Variants in DKK3 observed in about 807,000 individuals in gnomAD.
DKK3 encodes the protein dickkopf-related protein 3.
Under a neutral mutation model 33.2 loss-of-function variants are expected in DKK3, and 22 were observed. The ratio of observed to expected loss-of-function variants is 0.66; its 90% CI spans 0.47 to 0.95. DKK3 has a LOEUF of 0.95. Ranked by LOEUF, DKK3 falls within the 40% of genes least tolerant of loss-of-function variation. DKK3 has a pLI of 0.00. For missense variants in DKK3, 398 were observed against 458.4 expected, an observed-to-expected ratio of 0.87 and a Z score of 1.20; for synonymous variants, 194 against 188.8, an observed-to-expected ratio of 1.03 and a Z score of -0.23.
At chr11:12,005,702 A>G (rs1189663852) in intron 1 of DKK3, among the ~76,000 whole-genome samples, 1 of 152,238 alleles carries the variant, frequency 6.6e-6, no homozygotes, top group Non-Finnish European at 1.5e-5. Context: ...TGATGCAACT[A>G]TGTAAACAAA....
At chr11:12,000,123 A>G (rs981921908) in intron 2 of DKK3, among the ~76,000 whole-genome samples, 1 of 152,224 alleles carries the variant, frequency 6.6e-6, no homozygotes, top group Non-Finnish European at 1.5e-5. Flanking sequence ...AGTTTTCCAA[A>G]TATGTTTCAC....
intron 3 of DKK3, among the ~76,000 whole-genome samples, chr11:11,973,236 T>A (rs1006565677): frequency 6.6e-5 from 10 of 152,244 alleles, no homozygotes; most frequent in African/African-American, 2.2e-4. Context: ...AAACTGAGAC[T>A]TAAGGATAGA....
intron 5 of DKK3, 122 bp downstream of exon 5, chr11:11,966,832 T>A: frequency 2.9e-6 from 4 of 1,379,372 alleles, no homozygotes; most frequent in Non-Finnish European, 4.0e-6. Flanking sequence ...GATGAGCATT[T>A]GGGAGCCTAT....
In DKK3 at chr11:11,968,489, T is replaced by G; in HGVS notation, c.436-2A>C. ...ACAGTCCTCGTCGATGATGCACTCC[T>G]GGGGAAGGGCACAGGGAGCAGATGT... On this transcript the variant is annotated splice_acceptor_variant, in intron 3 of 6. Transcript: ENST00000683431. LOFTEE classifies it high-confidence loss of function. The G allele has an allele frequency of 1.9e-6, 3 of 1,612,590 alleles. No individual in the cohort carries two copies. The highest frequency in any genetic ancestry group is 2.5e-6 in the Non-Finnish European group (3 of 1,179,230).
At chr11:12,003,559 G>A (rs1848474272) in intron 1 of DKK3, among the ~76,000 whole-genome samples, 2 of 152,168 alleles carry the variant, frequency 1.3e-5, no homozygotes, top group African/African-American at 4.8e-5. Context: ...TGATGAGTGG[G>A]CAGTTGACAA....
At chr11:12,006,966 T>C (rs147167237) in intron 1 of DKK3, among the ~76,000 whole-genome samples, 226 of 152,292 alleles carry the variant, frequency 1.5e-3, no homozygotes, top group Non-Finnish European at 2.9e-3. Flanking sequence ...TTAAGAGACA[T>C]TGGGGCCTAT....
chr11:11,998,801 GA>G lies in DKK3; in HGVS notation c.352-23del, dbSNP rs761208368. 5.7e-6 allele frequency: 9 copies of G among 1,591,904 alleles called. No individual in the cohort carries two copies. The South Asian group carries it at 9.9e-5, about 18-fold the overall frequency. On this transcript the variant is annotated intron_variant, in intron 2 of 6. Coordinates refer to ENST00000683431, the MANE Select transcript of DKK3 (RefSeq NM_001018057.2). ...TTATCTACAGTAAAACAGGTACAATGAAAGTAAAATAGAAGGAATTCTGGAC... is the reference window on the plus strand; with the variant it reads ...TTATCTACAGTAAAACAGGTACAATGAAGTAAAATAGAAGGAATTCTGGAC...
At chr11:12,008,757 C>T (rs779148346), upstream of DKK3, 10 of 1,186,658 alleles carry the variant, frequency 8.4e-6, no homozygotes, top group Non-Finnish European at 1.0e-5. This position sits in a 1 kb window ranked among gnomAD's most constrained non-coding sequence, Gnocchi z 4.6. Flanking sequence ...CCCCTGAAAA[C>T]GCAGCTCCCC....
At chr11:12,000,975 C>T (rs1848414345) in intron 2 of DKK3, among the ~76,000 whole-genome samples, 1 of 152,160 alleles carries the variant, frequency 6.6e-6, no homozygotes, top group Non-Finnish European at 1.5e-5. Context: ...TTGACCTGCA[C>T]AGTACTGTAA....
chr11:11,965,801 G>A lies in DKK3; in HGVS notation c.830+8C>T. ...GGCTCCCTGAGAGTGAGGGTTAGGG[G>A]GCCTCACCTGTGGGGCTGGCAGAGG... On this transcript the variant is annotated splice_region_variant and intron_variant, in intron 6 of 6. Transcript: ENST00000683431. 6.2e-7 allele frequency: 1 copy of A among 1,613,548 alleles called. No individual in the cohort carries two copies. The highest frequency in any genetic ancestry group is 8.5e-7 in the Non-Finnish European group (1 of 1,179,880).
chr11:11,968,624 A>C, intron 3 of DKK3, 137 bp from the exon 4 acceptor site: 1 of 712,792 alleles, frequency 1.4e-6, no homozygotes, highest in South Asian at 2.1e-5. Flanking sequence ...AGGCCTCCAG[A>C]CTCTAGTCGC....
intron 3 of DKK3, among the ~76,000 whole-genome samples, chr11:11,970,139 G>A (rs1847693064): frequency 6.6e-6 from 1 of 152,176 alleles, no homozygotes; most frequent in Non-Finnish European, 1.5e-5. Context: ...TGGAGTGGGA[G>A]GGACGACATT....
At chr11:12,008,851 G>A (rs1179428284), upstream of DKK3, 2 of 1,148,590 alleles carry the variant, frequency 1.7e-6, no homozygotes, top group African/African-American at 1.6e-5. The surrounding 1 kb of genome is among the most constrained non-coding windows in gnomAD (Gnocchi z 4.6). Flanking sequence ...TCGAGCACAA[G>A]CTGAGCTCTG....
intron 3 of DKK3, among the ~76,000 whole-genome samples, chr11:11,990,336 C>T (rs1207650591): frequency 6.6e-6 from 1 of 152,242 alleles, no homozygotes; most frequent in African/African-American, 2.4e-5. Context: ...TCTACTGGCA[C>T]CAAGCAAAAG....
At chr11:11,991,415 A>G (rs1848185139) in intron 3 of DKK3, among the ~76,000 whole-genome samples, 1 of 152,186 alleles carries the variant, frequency 6.6e-6, no homozygotes, top group African/African-American at 2.4e-5. Context: ...ATTAGTTCCC[A>G]TGTGTTCTGA....
At chr11:11,996,945 C>T (rs963012196) in intron 3 of DKK3, among the ~76,000 whole-genome samples, 13 of 152,248 alleles carry the variant, frequency 8.5e-5, no homozygotes, top group African/African-American at 2.7e-4. Context: ...GGAAAAGTGA[C>T]GCACAGCACA....
chr11:11,976,893 C>T (rs576337388), intron 3 of DKK3, among the ~76,000 whole-genome samples: 3 of 152,282 alleles, frequency 2.0e-5, no homozygotes, highest in East Asian at 1.9e-4. Flanking sequence ...TTGTCTGGAA[C>T]GCAGCAGGGC....
At chr11:11,972,515 G>A (rs1434020625) in intron 3 of DKK3, among the ~76,000 whole-genome samples, 1 of 152,194 alleles carries the variant, frequency 6.6e-6, no homozygotes, top group African/African-American at 2.4e-5. Flanking sequence ...CAAAGGCCAG[G>A]CTCTCCATCC....
chr11:11,965,116 T>TA (rs1297231655), intron 6 of DKK3, among the ~76,000 whole-genome samples: 2 of 152,046 alleles, frequency 1.3e-5, no homozygotes, highest in African/African-American at 2.4e-5. Context: ...TTCCTTTTTT[T>TA]AAAAAAAATT....
Sources: allele counts gnomAD v4.1 joint callset (sites outside exome capture counted in the v4.1 genomes callset), GRCh38; gene constraint gnomAD v4.1.1; non-coding constraint Gnocchi (gnomAD v3.1); transcripts MANE v1.5; gene names NCBI Gene and HGNC (gene_info 2026-07-23, HGNC 2026-07-21).